The following ZNF570 variants were observed in gnomAD, a reference collection of about 807,000 sequenced individuals.
ZNF570 encodes zinc finger protein 570.
A neutral mutation model predicts 14.2 loss-of-function variants in ZNF570; 8 were observed. The ratio of observed to expected loss-of-function variants is 0.56; its 90% CI spans 0.33 to 1.02. ZNF570 has a LOEUF of 1.02. Among genes scored for constraint, ZNF570 ranks in the 50% least tolerant of loss-of-function variants. The probability of loss-of-function intolerance (pLI) is 0.03; values close to 1 mark genes in which losing one functional copy is unlikely to be tolerated. For synonymous variants in ZNF570, 202 were observed against 207.6 expected (o/e 0.97, Z 0.23); for missense variants, 559 against 624.9 (o/e 0.89, Z 1.12).
chr19:37,484,924 A>G lies in ZNF570; in HGVS notation c.1302A>G (p.Arg434=). The change falls in exon 5 of 5, where the codon AGA becomes AGG. Residue 434 remains arginine (R), a synonymous_variant. Transcript: ENST00000330173. Reference sequence around the variant, plus strand: ...TTGCCTACCTTGCTCAGCATCAAAGAGTTCATACTGGAGAGAAACCCTATG... The same window carrying G: ...TTGCCTACCTTGCTCAGCATCAAAGGGTTCATACTGGAGAGAAACCCTATG... ...SQIAYLAQHQ[R]VHTGEKPYEC... is the part of the protein sequence containing the mutation. 1.2e-6 allele frequency: 2 copies of G among 1,614,134 alleles called. No individual in the cohort carries two copies. Among genetic ancestry groups the G allele is most frequent in the Non-Finnish European group, 1.7e-6 (2 of 1,180,014 alleles).
rs373822583 is a variant in ZNF570, at chr19:37,470,318, T to C, written c.-37T>C. On this transcript the variant is annotated 5_prime_UTR_variant, in exon 2 of 5. Transcript: ENST00000330173. ...CCCCATCTCAGTCATCTGAGGCCAC[T>C]GCTATTTCCCAAGAGAAGAGCCAGG... 6.2e-7 allele frequency: 1 copy of C among 1,614,018 alleles called. No individual in the cohort carries two copies. Among genetic ancestry groups the C allele is most frequent in the Non-Finnish European group, 8.5e-7 (1 of 1,180,000 alleles).
intron 2 of ZNF570, among the ~76,000 whole-genome samples, chr19:37,471,250 T>C (rs2041960106): frequency 6.6e-6 from 1 of 151,826 alleles, no homozygotes; most frequent in South Asian, 2.1e-4. Context: ...CCTGACCTCG[T>C]GATCCGCCCG....
upstream of ZNF570, among the ~76,000 whole-genome samples, chr19:37,468,315 C>T (rs926952637): frequency 3.9e-5 from 6 of 152,174 alleles, no homozygotes; most frequent in African/African-American, 1.4e-4. Context: ...TCTCGAACTC[C>T]TGAGCTCAAG....
chr19:37,475,514 A>C (rs2042013766), intron 2 of ZNF570, among the ~76,000 whole-genome samples: 1 of 152,196 alleles, frequency 6.6e-6, no homozygotes, highest in African/African-American at 2.4e-5. Context: ...ACTGAGTCAG[A>C]ATTTGAATAC....
In ZNF570 at chr19:37,488,347, C is replaced by G. The variant is rs2042177786; in HGVS notation, c.*3114C>G. ...GTATAACGTACAATTTCAAAACATG[C>G]AAATTAGTGTTATGTATTTTTGTCA... On this transcript the variant is annotated 3_prime_UTR_variant, in exon 5 of 5. Transcript: ENST00000330173. 6.6e-6 allele frequency: 1 copy of G among 152,034 alleles called. No individual in the cohort carries two copies. Among genetic ancestry groups the G allele is most frequent in the Non-Finnish European group, 1.5e-5 (1 of 68,022 alleles). 9.4% of individuals were successfully genotyped at this position (152,034 alleles called of 1,614,324 possible).
At chr19:37,469,986 A>G (rs1451021719) in intron 1 of ZNF570, among the ~76,000 whole-genome samples, 1 of 152,156 alleles carries the variant, frequency 6.6e-6, no homozygotes, top group Non-Finnish European at 1.5e-5. Flanking sequence ...TTTATTGGAG[A>G]GGAGGATTGT....
In ZNF570 at chr19:37,478,061, T is replaced by A. The variant is rs1600382902; in HGVS notation, c.256+1627T>A. 2.0e-5 allele frequency among the ~76,000 whole-genome samples: 3 copies of A among 152,216 alleles called. No individual in the cohort carries two copies. The South Asian group carries it at 6.2e-4, about 32-fold the overall frequency. On this transcript the variant is annotated intron_variant, in intron 4 of 4. Transcript: ENST00000330173. ...ATTCTTTAGAATTTCTTGTTTGCCC[T>A]TTGGACATCAATATAAAGTTTAGGG...
chr19:37,483,882 G>T lies in ZNF570; in HGVS notation c.260G>T (p.Trp87Leu). 6.3e-7 allele frequency: 1 copy of T among 1,589,988 alleles called. No homozygotes were observed. Among genetic ancestry groups the T allele is most frequent in the Admixed American group, 1.8e-5 (1 of 54,920 alleles). Residue 87 changes from tryptophan (W) to leucine (L), a missense_variant, in exon 5 of 5, where the codon TGG becomes TTG. By Grantham distance (61) the Trp-to-Leu change is moderately conservative. Coordinates refer to ENST00000330173, the MANE Select transcript of ZNF570 (RefSeq NM_144694.5). Reference sequence around the variant, plus strand: ...TTTTCTTATTATTACTTTTCAGGCTGGGAGCCTATATGTGAGACTGAAGAA... The same window carrying T: ...TTTTCTTATTATTACTTTTCAGGCTTGGAGCCTATATGTGAGACTGAAGAA... Reference protein sequence around the residue: ...RELTKGLCSGWEPICETEELT... With the variant: ...RELTKGLCSGLEPICETEELT...
intron 4 of ZNF570, among the ~76,000 whole-genome samples, chr19:37,482,919 G>T (rs915959881): frequency 6.7e-6 from 1 of 149,288 alleles, no homozygotes; most frequent in African/African-American, 2.5e-5. Context: ...TAAAGAAGGT[G>T]CGTGCTTCCC....
intron 1 of ZNF570, 68 bp from the exon 2 acceptor site, chr19:37,470,236 A>T (rs112078534): frequency 1.6e-5 from 23 of 1,453,264 alleles, no homozygotes; most frequent in African/African-American, 1.5e-4. Flanking sequence ...AATCCTAAAA[A>T]GTCTAGACTG....
chr19:37,467,791 C>T, upstream of ZNF570: 27 of 1,234,226 alleles, frequency 2.2e-5, no homozygotes, highest in Non-Finnish European at 3.1e-5. Flanking sequence ...TGTCCAGTGA[C>T]ATCTGAGGTC....
chr19:37,487,108 A>C lies in ZNF570; in HGVS notation c.*1875A>C, dbSNP rs928220113. On this transcript the variant is annotated 3_prime_UTR_variant, in exon 5 of 5. Transcript: ENST00000330173. Reference sequence around the variant, plus strand: ...TCCCAGCTACTCAGGAGGCTGAGGCAAGAGAATTGCTTGAACCCAGGAGAC... The same window carrying C: ...TCCCAGCTACTCAGGAGGCTGAGGCCAGAGAATTGCTTGAACCCAGGAGAC... 1 of 150,592 alleles carries C rather than the reference A, an allele frequency of 6.6e-6. No homozygotes were observed. The highest frequency in any genetic ancestry group is 1.5e-5 in the Non-Finnish European group (1 of 67,976). 9.3% of individuals were successfully genotyped at this position (150,592 alleles called of 1,614,324 possible).
At chr19:37,475,208 C>T (rs1384912486) in intron 2 of ZNF570, among the ~76,000 whole-genome samples, 2 of 152,124 alleles carry the variant, frequency 1.3e-5, no homozygotes, top group Non-Finnish European at 1.5e-5. Context: ...AGGTGATCCA[C>T]CTGCCTTGGC....
chr19:37,483,262 C>T (rs1312833273), intron 4 of ZNF570, among the ~76,000 whole-genome samples: 3 of 152,152 alleles, frequency 2.0e-5, no homozygotes, highest in Non-Finnish European at 4.4e-5. Context: ...TCCCCAGAGA[C>T]TTGAATGACT....
chr19:37,476,538 T>G, intron 4 of ZNF570, 104 bp downstream of exon 4: 1 of 1,378,540 alleles, frequency 7.3e-7, no homozygotes, highest in South Asian at 2.0e-5. Flanking sequence ...TTCTCAAATG[T>G]TCTAGGTTTT....
At chr19:37,468,177 C>A, upstream of ZNF570, 1 of 546,836 alleles carries the variant, frequency 1.8e-6, no homozygotes, top group South Asian at 2.5e-5. Flanking sequence ...GCCTCGAACT[C>A]CCGGGCTCAA....
chr19:37,471,090 T>C (rs2041955890), intron 2 of ZNF570, among the ~76,000 whole-genome samples: 2 of 141,322 alleles, frequency 1.4e-5, no homozygotes, highest in African/African-American at 5.4e-5. Flanking sequence ...CTAGGCTCAC[T>C]GCAAGCTCTG....
upstream of ZNF570, chr19:37,469,135 A>C: frequency 9.0e-7 from 1 of 1,105,716 alleles, no homozygotes; most frequent in Non-Finnish European, 1.1e-6. Context: ...AGCTGCAGGG[A>C]ATCCGGACTT....
At chr19:37,481,565 A>G (rs1257222117) in intron 4 of ZNF570, among the ~76,000 whole-genome samples, 2 of 152,118 alleles carry the variant, frequency 1.3e-5, no homozygotes, top group Non-Finnish European at 2.9e-5. Flanking sequence ...AACTTTTAAG[A>G]ACTTTCTTCT....
Sources: gnomAD v4.1 joint callset for allele counts (sites outside exome capture counted in the v4.1 genomes callset) on GRCh38, gnomAD v4.1.1 for gene constraint, MANE v1.5 for transcripts, NCBI Gene and HGNC (gene_info 2026-07-23, HGNC 2026-07-21) for gene names.